Variants in TBC1D16 observed in about 807,000 individuals in gnomAD.
TBC1D16 encodes TBC1 domain family member 16, also known as CTD-2529O21.1.
In TBC1D16, 58 loss-of-function variants were observed where a neutral mutation model predicts 74.7. The observed-to-expected ratio is 0.78, with a 90% CI of 0.63 to 0.97. The LOEUF is 0.97. Among genes scored for constraint, TBC1D16 ranks in the 50% least tolerant of loss-of-function variants. TBC1D16 has a pLI of 0.00. For synonymous variants in TBC1D16, 493 were observed against 474.7 expected, an observed-to-expected ratio of 1.04 and a Z score of -0.50; for missense variants, 1,014 against 1,079.5, an observed-to-expected ratio of 0.94 and a Z score of 0.85.
intron 2 of TBC1D16, among the ~76,000 whole-genome samples, chr17:80,012,300 G>C (rs375813366): frequency 7.2e-5 from 11 of 152,082 alleles, no homozygotes; most frequent in African/African-American, 2.7e-4. Flanking sequence ...TCTCTCTCTA[G>C]AACACCCTCA....
chr17:80,024,535 CACACACCAT>C (rs2036452268), intron 1 of TBC1D16, among the ~76,000 whole-genome samples: 5 of 150,160 alleles, frequency 3.3e-5, no homozygotes, highest in Admixed American at 6.6e-5. Flanking sequence ...ATGCACACAC[CACACACCAT>C]ATACACACAC....
rs1368051400 is a variant in TBC1D16 at position 79,979,908 on chromosome 17, C to G, written c.780-27090G>C. Among the ~76,000 whole-genome samples, 1 of 152,100 alleles carries G rather than the reference C, an allele frequency of 6.6e-6. No individual in the cohort carries two copies. Among genetic ancestry groups the G allele is most frequent in the Non-Finnish European group, 1.5e-5 (1 of 68,014 alleles). On this transcript the variant is annotated intron_variant, in intron 3 of 11. Transcript: ENST00000310924. The surrounding 1 kb of genome is among the most constrained non-coding windows in gnomAD (Gnocchi z 4.8). ...AGGTGGTGGGCTCTGCGGGCCAGAG[C>G]TTGGGGCGCAGGAGGCCAAGGTCCA...
chr17:79,988,660 A>T lies in TBC1D16; in HGVS notation c.779+21500T>A, dbSNP rs1328267066. Among the ~76,000 whole-genome samples, 1 of 152,248 alleles carries T rather than the reference A, an allele frequency of 6.6e-6. No homozygotes were observed. Among genetic ancestry groups the T allele is most frequent in the Non-Finnish European group, 1.5e-5 (1 of 68,046 alleles). The stretch of plus-strand genomic sequence containing the variant: ...CTCCAACAAAGGGGAAAAAATTAAC[A>T]TTAAGGGCAAAAAGACTTTTTCTGG... On this transcript the variant is annotated intron_variant, in intron 3 of 11. Transcript: ENST00000310924. The surrounding 1 kb of genome is among the most constrained non-coding windows in gnomAD (Gnocchi z 5.7).
In TBC1D16 at chr17:79,971,870, G is replaced by A. The variant is rs1012600973; in HGVS notation, c.780-19052C>T. On this transcript the variant is annotated intron_variant, in intron 3 of 11. Transcript: ENST00000310924. This position sits in a 1 kb window ranked among gnomAD's most constrained non-coding sequence, Gnocchi z 4.6. ...GGCTTCCTCTCGGAGCAGGTGGCAT[G>A]GGGGCTGGCTGTGGGGGTCTTTGTG... Among the ~76,000 whole-genome samples the A allele has an allele frequency of 1.3e-5, 2 of 152,130 alleles. No individual in the cohort carries two copies. Among genetic ancestry groups the A allele is most frequent in the Non-Finnish European group, 2.9e-5 (2 of 68,022 alleles).
At position 79,936,122 on chromosome 17, in the gene TBC1D16, C is replaced by T. The variant is rs1423376209; in HGVS notation, c.*4737G>A. 6.6e-6 allele frequency: 1 copy of T among 152,264 alleles called. No individual in the cohort carries two copies. Among genetic ancestry groups the T allele is most frequent in the Non-Finnish European group, 1.5e-5 (1 of 68,060 alleles). 9.4% of individuals were successfully genotyped at this position (152,264 alleles called of 1,614,324 possible). A position where few individuals can be genotyped will look rare whatever the true frequency, so the allele number is the denominator to read the frequency against. ...GTAGGACCTGCAGGGCCCACACCAC[C>T]CTTCTGATGGAGAGCTTTGCACATG... On this transcript the variant is annotated 3_prime_UTR_variant, in exon 12 of 12. Transcript: ENST00000310924.
Position 79,933,010 on chromosome 17 carries a change from GCATGGCA to G in TBC1D16, c.*7842_*7848del, listed in dbSNP as rs755138572. On this transcript the variant is annotated 3_prime_UTR_variant, in exon 12 of 12. Transcript: ENST00000310924. ...ATTTTCAAAGCACTTCGTCTAAATTGCATGGCACACACCCCAGGAGCCCAAAGATCTG... is the reference window on the plus strand; with the variant it reads ...ATTTTCAAAGCACTTCGTCTAAATTGCACACCCCAGGAGCCCAAAGATCTG... 5 of 152,322 alleles carry G rather than the reference GCATGGCA, an allele frequency of 3.3e-5. No homozygotes were observed. The South Asian group carries it at 1.0e-3, about 32-fold the overall frequency. 9.4% of individuals were successfully genotyped at this position (152,322 alleles called of 1,614,324 possible). A position where few individuals can be genotyped will look rare whatever the true frequency, so the allele number is the denominator to read the frequency against.
intron 3 of TBC1D16, among the ~76,000 whole-genome samples, chr17:79,996,065 C>T (rs999232239): frequency 2.0e-5 from 3 of 152,104 alleles, no homozygotes; most frequent in Non-Finnish European, 2.9e-5. Flanking sequence ...ATGGATTAGA[C>T]GATGTCTCTT....
rs933891687 is a variant in TBC1D16, at chr17:79,983,573, G to T, written c.779+26587C>A. 5.9e-5 allele frequency among the ~76,000 whole-genome samples: 9 copies of T among 152,230 alleles called. No homozygotes were observed. Among genetic ancestry groups the T allele is most frequent in the African/African-American group, 2.2e-4 (9 of 41,456 alleles). ...AGCCACCGACGGCTACAAAGACGGG[G>T]ACGCTTTCCTAGGGCTCAAAGCAAG... On this transcript the variant is annotated intron_variant, in intron 3 of 11. Coordinates refer to ENST00000310924, the MANE Select transcript of TBC1D16 (RefSeq NM_019020.4). This position sits in a 1 kb window ranked among gnomAD's most constrained non-coding sequence, Gnocchi z 5.6.
chr17:80,031,918 G>A (rs1434252679), intron 1 of TBC1D16, among the ~76,000 whole-genome samples: 2 of 152,160 alleles, frequency 1.3e-5, no homozygotes, highest in African/African-American at 2.4e-5. Context: ...TGAATGCACC[G>A]CAAAACAAAA....
chr17:80,030,096 T>G (rs1279342040), intron 1 of TBC1D16, among the ~76,000 whole-genome samples: 2 of 152,150 alleles, frequency 1.3e-5, no homozygotes, highest in Admixed American at 1.3e-4. Flanking sequence ...GGTCAGCTGC[T>G]GAGCAACCTT....
rs770206460 is a variant in TBC1D16, at chr17:79,940,942, C to A, written c.2221G>T (p.Val741Leu). 6.3e-7 allele frequency: 1 copy of A among 1,598,642 alleles called. No homozygotes were observed. The highest frequency in any genetic ancestry group is 1.1e-5 in the South Asian group (1 of 88,990). Reference sequence around the variant, plus strand: ...AGGGACTTGGGGGAAGGCATCTCCACCGTGCCCCCGTAGGGACAGCTCTCC... The same window carrying A: ...AGGGACTTGGGGGAAGGCATCTCCAACGTGCCCCCGTAGGGACAGCTCTCC... ...GSESCPYGGTVEMPSPKSLRE... is the reference protein window; with the variant it reads ...GSESCPYGGTLEMPSPKSLRE... Residue 741 changes from valine (V) to leucine (L), a missense_variant, in exon 12 of 12, where the codon GTG becomes TTG. Val to Leu is a conservative substitution (Grantham distance 32). Transcript: ENST00000310924. This position sits in a 1 kb window ranked among gnomAD's most constrained non-coding sequence, Gnocchi z 5.4.
At chr17:79,946,112 G>C (rs1224878119) in intron 9 of TBC1D16, among the ~76,000 whole-genome samples, 1 of 152,238 alleles carries the variant, frequency 6.6e-6, no homozygotes, top group South Asian at 2.1e-4. Flanking sequence ...AGCTCTCCCA[G>C]CCTGTCATCA....
rs766071832 is a variant in TBC1D16, at chr17:79,961,625, G to T, written c.780-8807C>A. Reference sequence around the variant, plus strand: ...GCCTATAATCCCAGCACTTTGGGAGGCCGAGGCTGGTGGATCACCTGAGGT... The same window carrying T: ...GCCTATAATCCCAGCACTTTGGGAGTCCGAGGCTGGTGGATCACCTGAGGT... On this transcript the variant is annotated intron_variant, in intron 3 of 11. Transcript: ENST00000310924. The surrounding 1 kb of genome is among the most constrained non-coding windows in gnomAD (Gnocchi z 4.8). Among the ~76,000 whole-genome samples, 2 of 152,232 alleles carry T rather than the reference G, an allele frequency of 1.3e-5. No homozygotes were observed. The highest frequency in any genetic ancestry group is 2.9e-5 in the Non-Finnish European group (2 of 68,052).
intron 1 of TBC1D16, among the ~76,000 whole-genome samples, chr17:80,023,249 T>C (rs1470670435): frequency 6.7e-6 from 1 of 150,158 alleles, no homozygotes; most frequent in Non-Finnish European, 1.5e-5. Context: ...ATTCACCAGA[T>C]GTCCCTTCCA....
chr17:79,949,805 G>T lies in TBC1D16; in HGVS notation c.1318C>A (p.Arg440Ser). The T allele has an allele frequency of 6.2e-7, 1 of 1,613,806 alleles. No individual in the cohort carries two copies. The highest frequency in any genetic ancestry group is 1.1e-5 in the South Asian group (1 of 91,074). ...IRGEVWPFLL[R>S]YYSHESTSEE... ...GACGTGGACTCGTGGCTGTAATAGCGCAGCAGGAAGGGCCAGACCTCCCCG... is the reference window on the plus strand; with the variant it reads ...GACGTGGACTCGTGGCTGTAATAGCTCAGCAGGAAGGGCCAGACCTCCCCG... Residue 440 changes from arginine to serine, a missense_variant, in exon 7 of 12, where the codon CGC (arginine) becomes AGC (serine). Physicochemically the swap from Arg to Ser is moderately radical, Grantham distance 110. Coordinates refer to ENST00000310924, the MANE Select transcript of TBC1D16 (RefSeq NM_019020.4).
Position 79,980,652 on chromosome 17 carries a change from C to T in TBC1D16, c.780-27834G>A, listed in dbSNP as rs1184590515. ...ACAGAAAGCCAGAACCTTCTAGATTCTGAGCTGCTGGGCTTTGTGACATCC... is the reference window on the plus strand; with the variant it reads ...ACAGAAAGCCAGAACCTTCTAGATTTTGAGCTGCTGGGCTTTGTGACATCC... On this transcript the variant is annotated intron_variant, in intron 3 of 11. Coordinates refer to ENST00000310924, the MANE Select transcript of TBC1D16 (RefSeq NM_019020.4). The surrounding 1 kb of genome is among the most constrained non-coding windows in gnomAD (Gnocchi z 7.0). Among the ~76,000 whole-genome samples, 1 of 152,236 alleles carries T rather than the reference C, an allele frequency of 6.6e-6. No homozygotes were observed. Among genetic ancestry groups the T allele is most frequent in the Middle Eastern group, 3.2e-3 (1 of 316 alleles).
chr17:79,944,780 G>C lies in TBC1D16; in HGVS notation c.1908+128C>G, dbSNP rs894024455. 1 of 860,574 alleles carries C rather than the reference G, an allele frequency of 1.2e-6. No individual in the cohort carries two copies. Among genetic ancestry groups the C allele is most frequent in the South Asian group, 1.8e-5 (1 of 55,518 alleles). The allele number at this position is 860,574 out of a possible 1,614,324, so 53.3% of individuals were successfully genotyped here. A position where few individuals can be genotyped will look rare whatever the true frequency, so the allele number is the denominator to read the frequency against. ...CACGTGGGACGGGAAGGCAGTCGCC[G>C]TATGGGGGGCTAATGTGTGGCTGTG... On this transcript the variant is annotated intron_variant, in intron 10 of 11. Transcript: ENST00000310924. The surrounding 1 kb of genome is among the most constrained non-coding windows in gnomAD (Gnocchi z 7.7).
Position 80,010,685 on chromosome 17 carries a change from G to A in TBC1D16, c.254C>T (p.Ser85Phe). ...ATLILAWVPN[S>F]RIQRQDEEAL... ...CTCCTCGTCCTGCCTCTGGATGCGA[G>A]AGTTGGGGACCCATGCCAGGATGAG... The change falls in exon 3 of 12, where the codon TCT becomes TTT. Residue 85 changes from serine to phenylalanine, a missense_variant. Coordinates refer to ENST00000310924, the MANE Select transcript of TBC1D16 (RefSeq NM_019020.4). This position sits in a 1 kb window ranked among gnomAD's most constrained non-coding sequence, Gnocchi z 8.8. 6.6e-7 allele frequency: 1 copy of A among 1,524,552 alleles called. No homozygotes were observed. The allele number at this position is 1,524,552 out of a possible 1,614,324, so 94.4% of individuals were successfully genotyped here. A position where few individuals can be genotyped will look rare whatever the true frequency, so the allele number is the denominator to read the frequency against.
Position 79,993,175 on chromosome 17 carries a change from T to G in TBC1D16, c.779+16985A>C, listed in dbSNP as rs1051294163. Reference sequence around the variant, plus strand: ...CCACCAGCACACAGCCAGGCAGAGCTGGGATGTGGCCAAGGACTTGGCTCC... The same window carrying G: ...CCACCAGCACACAGCCAGGCAGAGCGGGGATGTGGCCAAGGACTTGGCTCC... On this transcript the variant is annotated intron_variant, in intron 3 of 11. Coordinates refer to ENST00000310924, the MANE Select transcript of TBC1D16 (RefSeq NM_019020.4). The surrounding 1 kb of genome is among the most constrained non-coding windows in gnomAD (Gnocchi z 5.1). Among the ~76,000 whole-genome samples the G allele has an allele frequency of 6.6e-6, 1 of 152,188 alleles. No individual in the cohort carries two copies. Among genetic ancestry groups the G allele is most frequent in the Admixed American group, 6.5e-5 (1 of 15,284 alleles).
Sources: allele counts gnomAD v4.1 joint callset (sites outside exome capture counted in the v4.1 genomes callset), GRCh38; gene constraint gnomAD v4.1.1; non-coding constraint Gnocchi (gnomAD v3.1); transcripts MANE v1.5; gene names NCBI Gene and HGNC (gene_info 2026-07-23, HGNC 2026-07-21).